The following OXR1 variants were observed in gnomAD, a reference collection of about 807,000 sequenced individuals.
OXR1 encodes the protein oxidation resistance protein 1.
Under a neutral mutation model 104.6 loss-of-function variants are expected in OXR1, and 41 were observed. The observed-to-expected ratio is 0.39, with a 90% CI of 0.31 to 0.51. The LOEUF (loss-of-function observed/expected upper bound fraction) is 0.51, where lower values mean the gene tolerates loss of function less well. Ranked by LOEUF, OXR1 falls within the 20% of genes least tolerant of loss-of-function variation. The probability of loss-of-function intolerance (pLI) is 0.77; values close to 1 mark genes in which losing one functional copy is unlikely to be tolerated. For synonymous variants in OXR1, 348 were observed against 348.4 expected, an observed-to-expected ratio of 1.00 and a Z score of 0.01; for missense variants, 955 against 1,031.9, an observed-to-expected ratio of 0.93 and a Z score of 1.02.
chr8:106,279,920 T>G (rs1380396540), intron 1 of OXR1, among the ~76,000 whole-genome samples: 1 of 152,180 alleles, frequency 6.6e-6, no homozygotes, highest in Non-Finnish European at 1.5e-5. Flanking sequence ...AATATCCCAG[T>G]GCTGGAATGG....
At chr8:106,289,238 C>T (rs1246827641) in intron 1 of OXR1, among the ~76,000 whole-genome samples, 1 of 152,210 alleles carries the variant, frequency 6.6e-6, no homozygotes, top group Non-Finnish European at 1.5e-5. Context: ...CAAGCTATCT[C>T]TCTTCGCTTC....
At chr8:106,323,850 TA>T (rs1175812539) in intron 1 of OXR1, among the ~76,000 whole-genome samples, 1 of 151,752 alleles carries the variant, frequency 6.6e-6, no homozygotes, top group Non-Finnish European at 1.5e-5. Context: ...TACTAAAAAG[TA>T]AAAAAATAAT....
intron 3 of OXR1, among the ~76,000 whole-genome samples, chr8:106,536,389 G>A (rs901827558): frequency 2.0e-5 from 3 of 151,984 alleles, no homozygotes; most frequent in African/African-American, 4.8e-5. Context: ...GAGTAGCAAG[G>A]CTATGAATTT....
chr8:106,300,813 T>A (rs1813205466), intron 1 of OXR1, among the ~76,000 whole-genome samples: 1 of 152,206 alleles, frequency 6.6e-6, no homozygotes, highest in African/African-American at 2.4e-5. Flanking sequence ...TGAATTGAGG[T>A]TGAGAACACT....
At position 106,554,007 on chromosome 8, in the gene OXR1, A is replaced by G. The variant is rs552525694; in HGVS notation, c.220+34868A>G. Reference sequence around the variant, plus strand: ...ATATATGAGTTTTCATTATCCTGGAATTTTTTTTCTCTTTTTCATCATCTC... The same window carrying G: ...ATATATGAGTTTTCATTATCCTGGAGTTTTTTTTCTCTTTTTCATCATCTC... On this transcript the variant is annotated intron_variant, in intron 3 of 16. Coordinates refer to ENST00000517566, the MANE Select transcript of OXR1 (RefSeq NM_001198533.2). Among the ~76,000 whole-genome samples the G allele has an allele frequency of 1.1e-4, 16 of 152,102 alleles. No homozygotes were observed. The East Asian group carries it at 2.9e-3, about 28-fold the overall frequency.
intron 2 of OXR1, among the ~76,000 whole-genome samples, chr8:106,433,141 TA>T (rs1230798914): frequency 6.6e-6 from 1 of 152,180 alleles, no homozygotes; most frequent in African/African-American, 2.4e-5. Flanking sequence ...TCAGAGTTTT[TA>T]AACATAATTT....
chr8:106,543,786 T>C (rs1226844541), intron 3 of OXR1, among the ~76,000 whole-genome samples: 1 of 152,166 alleles, frequency 6.6e-6, no homozygotes, highest in African/African-American at 2.4e-5. Context: ...AAGTGAATAA[T>C]TTGTTGAGAC....
chr8:106,676,297 G>A (rs1401875532), intron 3 of OXR1, among the ~76,000 whole-genome samples: 1 of 151,978 alleles, frequency 6.6e-6, no homozygotes, highest in Non-Finnish European at 1.5e-5. Flanking sequence ...GGGACATTTA[G>A]CCCACTTACA....
chr8:106,518,862 T>C (rs1434262058), intron 2 of OXR1, 81 bp from the exon 3 acceptor site: 7 of 1,016,980 alleles, frequency 6.9e-6, no homozygotes, highest in African/African-American at 1.6e-5. Flanking sequence ...TATAACTCAA[T>C]TGTTGAAAAA....
At chr8:106,624,342 G>T (rs1373308524) in intron 3 of OXR1, among the ~76,000 whole-genome samples, 1 of 152,186 alleles carries the variant, frequency 6.6e-6, no homozygotes, top group Non-Finnish European at 1.5e-5. Flanking sequence ...CTGGAGTAGG[G>T]TAGGGCAGTG....
chr8:106,742,526 C>G (rs1835008308), intron 15 of OXR1: 2 of 431,620 alleles, frequency 4.6e-6, no homozygotes, highest in Non-Finnish European at 8.2e-6. Flanking sequence ...CTGGAGGCAT[C>G]ACGTTACGTG....
At chr8:106,693,711 G>A (rs1829547741) in intron 7 of OXR1, among the ~76,000 whole-genome samples, 1 of 152,072 alleles carries the variant, frequency 6.6e-6, no homozygotes. Context: ...GATTACAGGT[G>A]TGAGCCACCG....
chr8:106,682,767 C>T (rs1828306459), intron 4 of OXR1, among the ~76,000 whole-genome samples: 1 of 152,066 alleles, frequency 6.6e-6, no homozygotes, highest in Non-Finnish European at 1.5e-5. Context: ...TTTATATGTG[C>T]AATGACAGAA....
chr8:106,355,348 G>T (rs1265081258), intron 1 of OXR1, among the ~76,000 whole-genome samples: 1 of 151,940 alleles, frequency 6.6e-6, no homozygotes, highest in Non-Finnish European at 1.5e-5. Flanking sequence ...CTTATGTGAA[G>T]ATTTTAAAGA....
intron 3 of OXR1, among the ~76,000 whole-genome samples, chr8:106,566,856 A>G (rs1817112516): frequency 1.3e-5 from 2 of 152,194 alleles, no homozygotes; most frequent in South Asian, 4.1e-4. Flanking sequence ...TCAGCAAACT[A>G]ACACAGGAAC....
chr8:106,284,281 G>A (rs993328255), intron 1 of OXR1, among the ~76,000 whole-genome samples: 1 of 151,964 alleles, frequency 6.6e-6, no homozygotes, highest in Admixed American at 6.6e-5. Context: ...TGGAGCTGGC[G>A]GCAGGAGTAG....
At chr8:106,351,656 A>C (rs968468021) in intron 1 of OXR1, among the ~76,000 whole-genome samples, 11 of 152,178 alleles carry the variant, frequency 7.2e-5, no homozygotes, top group African/African-American at 2.7e-4. Context: ...GTGTCAGATC[A>C]CCTGGAGTCT....
At chr8:106,495,899 G>A (rs1811382742) in intron 2 of OXR1, among the ~76,000 whole-genome samples, 1 of 152,072 alleles carries the variant, frequency 6.6e-6, no homozygotes, top group African/African-American at 2.4e-5. Context: ...TTCATATAGT[G>A]ATGAGCACAG....
intron 3 of OXR1, among the ~76,000 whole-genome samples, chr8:106,638,890 T>C (rs2130929605): frequency 7.6e-6 from 1 of 132,104 alleles, no homozygotes; most frequent in African/African-American, 3.4e-5. Context: ...TGAGACTCCA[T>C]TTCAAAAAAA....
Sources: allele counts gnomAD v4.1 joint callset (sites outside exome capture counted in the v4.1 genomes callset), GRCh38; gene constraint gnomAD v4.1.1; transcripts MANE v1.5; gene names NCBI Gene and HGNC (gene_info 2026-07-23, HGNC 2026-07-21).